The following SYT1 variants were observed in gnomAD, a reference collection of about 807,000 sequenced individuals.
SYT1 encodes the protein synaptotagmin-1.
SYT1 carries 8 observed loss-of-function variants against 44.8 expected under a neutral mutation model. The ratio of observed to expected loss-of-function variants is 0.18; its 90% CI spans 0.10 to 0.32. The LOEUF (loss-of-function observed/expected upper bound fraction) is 0.32, where lower values mean the gene tolerates loss of function less well. SYT1 is among the 10% of genes least tolerant of loss of function. SYT1 has a pLI of 1.00. For synonymous variants in SYT1, 154 were observed against 188.8 expected, an observed-to-expected ratio of 0.82 and a Z score of 1.51; for missense variants, 286 against 509.3, an observed-to-expected ratio of 0.56 and a Z score of 4.22.
At chr12:79,270,944 C>T (rs762132224) in intron 4 of SYT1, among the ~76,000 whole-genome samples, 14 of 152,134 alleles carry the variant, frequency 9.2e-5, no homozygotes, top group African/African-American at 2.7e-4. Context: ...TGCGTAGAAC[C>T]GCATAGAGCC....
chr12:79,179,197 TATATAGATATAGATATAGATATATAG>T, intron 3 of SYT1, among the ~76,000 whole-genome samples: 1 of 52,690 alleles, frequency 1.9e-5, no homozygotes, highest in South Asian at 6.0e-4. Context: ...TAGATATAGA[TATATAGATATAGATATAGATATATAG>T]ATATAGATAT....
At chr12:79,175,422 T>C (rs1335282960) in intron 3 of SYT1, among the ~76,000 whole-genome samples, 2 of 152,084 alleles carry the variant, frequency 1.3e-5, no homozygotes, top group African/African-American at 4.8e-5. Flanking sequence ...ATGGGAAACA[T>C]TAATTTGGCA....
At chr12:78,879,824 C>T (rs937419034) in intron 1 of SYT1, among the ~76,000 whole-genome samples, 2 of 151,738 alleles carry the variant, frequency 1.3e-5, no homozygotes, top group Non-Finnish European at 1.5e-5. Flanking sequence ...TGTTCTGATA[C>T]TCTGGCCATA....
chr12:79,394,086 G>A (rs959323700), intron 9 of SYT1, among the ~76,000 whole-genome samples: 5 of 152,206 alleles, frequency 3.3e-5, no homozygotes, highest in African/African-American at 1.2e-4. Context: ...AGCAGGGGCT[G>A]CATTAAAGAC....
chr12:78,884,655 C>G (rs1874635505), intron 1 of SYT1, among the ~76,000 whole-genome samples: 1 of 151,002 alleles, frequency 6.6e-6, no homozygotes, highest in Admixed American at 6.6e-5. Flanking sequence ...TACATTCAGA[C>G]ATTATAAATA....
intron 1 of SYT1, among the ~76,000 whole-genome samples, chr12:78,894,874 A>G (rs527695508): frequency 6.6e-6 from 1 of 151,676 alleles, no homozygotes; most frequent in Non-Finnish European, 1.5e-5. Flanking sequence ...TAATAGCAGT[A>G]TATTGTATAC....
chr12:79,092,124 G>A (rs547325090), intron 3 of SYT1, among the ~76,000 whole-genome samples: 5 of 151,826 alleles, frequency 3.3e-5, no homozygotes, highest in African/African-American at 1.2e-4. Context: ...CAGGTTCCAG[G>A]GCCTCTCAGG....
intron 2 of SYT1, among the ~76,000 whole-genome samples, chr12:79,031,557 C>T (rs73148243): frequency 8.6e-5 from 13 of 151,166 alleles, no homozygotes; most frequent in African/African-American, 2.2e-4. Context: ...CAAATCCATC[C>T]GCTCTTACTT....
intron 3 of SYT1, among the ~76,000 whole-genome samples, chr12:79,064,975 A>AGAAAGAGAAG (rs1875710426): frequency 6.7e-6 from 1 of 149,202 alleles, no homozygotes; most frequent in African/African-American, 2.5e-5. Flanking sequence ...AAAGAAAGAA[A>AGAAAGAGAAG]GAAAGAAAGA....
chr12:79,381,208 A>G (rs917960484), intron 9 of SYT1, among the ~76,000 whole-genome samples: 1 of 152,156 alleles, frequency 6.6e-6, no homozygotes, highest in Non-Finnish European at 1.5e-5. Context: ...TTAAAACACA[A>G]CCATTTCCAT....
At chr12:79,304,884 A>G (rs546830495) in intron 8 of SYT1, among the ~76,000 whole-genome samples, 48 of 152,244 alleles carry the variant, frequency 3.2e-4, no homozygotes, top group Non-Finnish European at 6.2e-4. Context: ...CGTCCATATC[A>G]TGGGACTTGG....
At chr12:79,327,840 A>G (rs1881672654) in intron 8 of SYT1, among the ~76,000 whole-genome samples, 1 of 152,222 alleles carries the variant, frequency 6.6e-6, no homozygotes, top group Non-Finnish European at 1.5e-5. Context: ...AAGGGCTTCC[A>G]AGAAGAGGAA....
At chr12:78,893,769 G>A (rs1592531578) in intron 1 of SYT1, among the ~76,000 whole-genome samples, 1 of 151,702 alleles carries the variant, frequency 6.6e-6, no homozygotes, top group South Asian at 2.1e-4. Flanking sequence ...AAAAACCATG[G>A]TGCAGTGTTA....
intron 9 of SYT1, among the ~76,000 whole-genome samples, chr12:79,422,003 C>T (rs1462430252): frequency 6.6e-6 from 1 of 152,072 alleles, no homozygotes; most frequent in African/African-American, 2.4e-5. Flanking sequence ...TGCTTTTGAA[C>T]TCCAATCTGT....
intron 3 of SYT1, among the ~76,000 whole-genome samples, chr12:79,186,051 A>C (rs1228082070): frequency 6.6e-6 from 1 of 151,882 alleles, no homozygotes; most frequent in Non-Finnish European, 1.5e-5. Flanking sequence ...CCTGACACCA[A>C]AGGATTTTCT....
chr12:78,883,357 AT>A, intron 1 of SYT1, among the ~76,000 whole-genome samples: 1 of 151,624 alleles, frequency 6.6e-6, no homozygotes, highest in East Asian at 2.0e-4. Context: ...ATCCTTCTTG[AT>A]TTTTTCATTC....
At chr12:79,277,949 C>T (rs1357385979) in intron 4 of SYT1, among the ~76,000 whole-genome samples, 1 of 151,822 alleles carries the variant, frequency 6.6e-6, no homozygotes, top group African/African-American at 2.4e-5. Context: ...AGAATCAATT[C>T]AAGCAGAAGA....
chr12:79,431,104 C>A (rs1644419920), intron 9 of SYT1, among the ~76,000 whole-genome samples: 1 of 152,202 alleles, frequency 6.6e-6, no homozygotes, highest in African/African-American at 2.4e-5. Context: ...GTCAGCCTGG[C>A]AGAATGCCCA....
chr12:79,239,461 C>T (rs1233337455), intron 4 of SYT1, among the ~76,000 whole-genome samples: 1 of 152,114 alleles, frequency 6.6e-6, no homozygotes, highest in East Asian at 1.9e-4. Context: ...CTTTAGTTAA[C>T]AATAATGCAT....
Sources: gnomAD v4.1 joint callset for allele counts (sites outside exome capture counted in the v4.1 genomes callset) on GRCh38, gnomAD v4.1.1 for gene constraint, MANE v1.5 for transcripts, NCBI Gene and HGNC (gene_info 2026-07-23, HGNC 2026-07-21) for gene names.